The following COL4A4 variants were observed in gnomAD, a reference collection of about 807,000 sequenced individuals.
COL4A4 encodes the protein collagen alpha-4(IV) chain.
A neutral mutation model predicts 192.9 loss-of-function variants in COL4A4; 105 were observed. The observed-to-expected ratio is 0.54, with a 90% CI of 0.46 to 0.64. COL4A4 has a LOEUF of 0.64. Among genes scored for constraint, COL4A4 ranks in the 30% least tolerant of loss-of-function variants. The pLI is 0.00. For missense variants in COL4A4, 1,967 were observed against 2,169.3 expected, an observed-to-expected ratio of 0.91 and a Z score of 1.85; for synonymous variants, 762 against 769.9, an observed-to-expected ratio of 0.99 and a Z score of 0.17.
intron 10 of COL4A4, 66 bp from the exon 11 acceptor site, chr2:227,108,934 T>G: frequency 6.7e-7 from 1 of 1,488,006 alleles, no homozygotes. Flanking sequence ...TGCCTTCTTT[T>G]GTTACCCCAA....
intron 22 of COL4A4, among the ~76,000 whole-genome samples, chr2:227,084,296 G>A (rs1198267067): frequency 6.6e-6 from 1 of 152,138 alleles, no homozygotes; most frequent in East Asian, 1.9e-4. Context: ...ACAGAAAACT[G>A]TTCACATAGC....
chr2:227,157,023 A>G (rs1054707234), intron 1 of COL4A4, among the ~76,000 whole-genome samples: 1 of 152,164 alleles, frequency 6.6e-6, no homozygotes, highest in African/African-American at 2.4e-5. Flanking sequence ...CCAAGCCATA[A>G]TAGTATATAT....
chr2:227,013,302 CA>C, intron 44 of COL4A4, among the ~76,000 whole-genome samples: 2 of 152,168 alleles, frequency 1.3e-5, no homozygotes, highest in South Asian at 4.2e-4. Flanking sequence ...CTCTCTCTGC[CA>C]CAGAGTAGCC....
chr2:227,113,925 T>C (rs2061353228), intron 8 of COL4A4, among the ~76,000 whole-genome samples: 2 of 152,242 alleles, frequency 1.3e-5, no homozygotes, highest in African/African-American at 4.8e-5. Context: ...TGTATTTTCC[T>C]GTTAATGCAT....
intron 22 of COL4A4, among the ~76,000 whole-genome samples, chr2:227,083,528 CCT>C (rs2059429316): frequency 6.6e-6 from 1 of 152,162 alleles, no homozygotes; most frequent in Admixed American, 6.5e-5. Flanking sequence ...CTCACTGCAG[CCT>C]TAAACCTCTG....
At chr2:227,109,470 C>T (rs1424359444) in intron 9 of COL4A4, 184 bp from the exon 10 acceptor site, 8 of 707,444 alleles carry the variant, frequency 1.1e-5, no homozygotes, top group Admixed American at 6.0e-5. Context: ...CCAAGCAGTC[C>T]GGGCACGGTG....
downstream of COL4A4, among the ~76,000 whole-genome samples, chr2:227,001,260 A>C (rs550435993): frequency 6.6e-6 from 1 of 151,942 alleles, no homozygotes; most frequent in South Asian, 2.1e-4. Context: ...TGGCCCAGCT[A>C]ATTTTTTGTA....
At chr2:227,057,624 G>A (rs1301633128) in intron 28 of COL4A4, 24 bp from the exon 29 acceptor site, 1 of 1,612,730 alleles carries the variant, frequency 6.2e-7, no homozygotes, top group African/African-American at 1.3e-5. Flanking sequence ...ATACATCCAT[G>A]ACATTCATGA....
At chr2:226,976,911 C>G in the COL4A4 span, among the ~76,000 whole-genome samples, 1 of 152,180 alleles carries the variant, frequency 6.6e-6, no homozygotes, top group Non-Finnish European at 1.5e-5. Context: ...TTTTGACCCC[C>G]TCCTCCCATT....
rs528000934 is a variant in COL4A4 at position 227,111,889 on chromosome 2, T to G, written c.559-176A>C. ...ATGCGGAGGTGATTTTCCTTCTCCT[T>G]AAGCTCTGAATTCTCCTTCTACCCA... On this transcript the variant is annotated intron_variant, in intron 8 of 47. Transcript: ENST00000396625. 2.0e-5 allele frequency among the ~76,000 whole-genome samples: 3 copies of G among 152,336 alleles called. No homozygotes were observed. The East Asian group carries it at 5.8e-4, about 29-fold the overall frequency.
Position 227,140,166 on chromosome 2 carries a change from A to ACC in COL4A4, c.185_186dup (p.Ser63GlyfsTer32), listed in dbSNP as rs2125291573. On this transcript the variant is annotated frameshift_variant, in exon 4 of 48. Transcript: ENST00000396625. LOFTEE classifies it high-confidence loss of function. ...TTGGTCTTTACATCACTTACCCGAG[A>ACC]CCCCTTTTCAGGAACACAGTGGCAA... is the stretch of plus-strand genomic sequence containing the variant. The ACC allele has an allele frequency of 6.2e-7, 1 of 1,613,746 alleles. No individual in the cohort carries two copies. Among genetic ancestry groups the ACC allele is most frequent in the Non-Finnish European group, 8.5e-7 (1 of 1,179,734 alleles).
chr2:227,007,092 GTAAAA>G lies in COL4A4; in HGVS notation c.*228_*232del. 2 of 629,742 alleles carry G rather than the reference GTAAAA, an allele frequency of 3.2e-6. No homozygotes were observed. Among genetic ancestry groups the G allele is most frequent in the Non-Finnish European group, 2.8e-6 (1 of 353,138 alleles). The allele number at this position is 629,742 out of a possible 1,614,324, so 39.0% of individuals were successfully genotyped here. On this transcript the variant is annotated 3_prime_UTR_variant, in exon 48 of 48. Coordinates refer to ENST00000396625, the MANE Select transcript of COL4A4 (RefSeq NM_000092.5). ...AAAGCCAGTTCTTCGATCATCCTCAGTAAAATAAGAGTATCTAGGCTCCCTAGATT... is the reference window on the plus strand; with the variant it reads ...AAAGCCAGTTCTTCGATCATCCTCAGTAAGAGTATCTAGGCTCCCTAGATT...
intron 43 of COL4A4, chr2:227,022,421 A>C: frequency 1.4e-6 from 1 of 711,022 alleles, no homozygotes; most frequent in Non-Finnish European, 2.7e-6. Context: ...GAATGAGTGA[A>C]TGGAGTATCA....
the COL4A4 span, chr2:226,988,581 C>T: frequency 5.1e-6 from 7 of 1,383,478 alleles, no homozygotes; most frequent in Admixed American, 3.3e-5. Flanking sequence ...GCATCAGAAA[C>T]ATCAGAAGAG....
At chr2:227,051,336 C>T (rs1974057035) in intron 32 of COL4A4, among the ~76,000 whole-genome samples, 178 bp from the exon 33 acceptor site, 1 of 152,238 alleles carries the variant, frequency 6.6e-6, no homozygotes, top group Non-Finnish European at 1.5e-5. Flanking sequence ...ATGAAAGAAG[C>T]TGCCTGGGAA....
At chr2:226,985,388 C>T in the COL4A4 span, among the ~76,000 whole-genome samples, 1 of 152,226 alleles carries the variant, frequency 6.6e-6, no homozygotes, top group Non-Finnish European at 1.5e-5. Flanking sequence ...CCATAATATT[C>T]AATGCAGCAG....
At chr2:227,106,191 T>C (rs2060833663) in intron 12 of COL4A4, among the ~76,000 whole-genome samples, 1 of 152,090 alleles carries the variant, frequency 6.6e-6, no homozygotes, top group South Asian at 2.1e-4. Context: ...CCTAAAGATA[T>C]CTGCTGTGTG....
rs6716612 is a variant in COL4A4, at chr2:227,066,096, G to A, written c.1988-3498C>T. 1.5e-3 allele frequency among the ~76,000 whole-genome samples: 224 copies of A among 152,344 alleles called. 1 individual carries two copies. Among genetic ancestry groups the A allele is most frequent in the African/African-American group, 5.0e-3 (208 of 41,572 alleles). On this transcript the variant is annotated intron_variant, in intron 25 of 47. Transcript: ENST00000396625. ...GAAGAATGCAGAAGCCTCAGGAGCC[G>A]ATGCGATCAACTGGAACAAAGGGTA...
chr2:226,994,677 G>A, the COL4A4 span, among the ~76,000 whole-genome samples: 4 of 152,114 alleles, frequency 2.6e-5, no homozygotes, highest in Admixed American at 6.5e-5. Flanking sequence ...ATTACCTTTA[G>A]GTTGCTGGTT....
Sources: allele counts gnomAD v4.1 joint callset (sites outside exome capture counted in the v4.1 genomes callset), GRCh38; gene constraint gnomAD v4.1.1; transcripts MANE v1.5; gene names NCBI Gene and HGNC (gene_info 2026-07-23, HGNC 2026-07-21).